The following ANTXR1 variants were observed in gnomAD, a reference collection of about 807,000 sequenced individuals.
ANTXR1 encodes the protein anthrax toxin receptor 1.
A neutral mutation model predicts 78.1 loss-of-function variants in ANTXR1; 19 were observed. The ratio of observed to expected loss-of-function variants is 0.24; its 90% CI spans 0.17 to 0.36. ANTXR1 has a LOEUF of 0.36. Among genes scored for constraint, ANTXR1 ranks in the 10% least tolerant of loss-of-function variants. ANTXR1 has a pLI of 1.00. For missense variants in ANTXR1, 518 were observed against 718.6 expected (o/e 0.72, Z 3.19); for synonymous variants, 273 against 260.5 (o/e 1.05, Z -0.46).
chr2:69,171,785 T>C (rs1190701481), intron 14 of ANTXR1, among the ~76,000 whole-genome samples: 3 of 152,164 alleles, frequency 2.0e-5, no homozygotes, highest in African/African-American at 7.2e-5. Context: ...AGCAACACAA[T>C]TTTGGAGCCA....
chr2:69,080,183 T>C (rs184115113), intron 8 of ANTXR1, among the ~76,000 whole-genome samples: 104 of 152,350 alleles, frequency 6.8e-4, no homozygotes, highest in African/African-American at 2.4e-3. Flanking sequence ...ATTCGTTTGC[T>C]TGGACAGAGA....
intron 1 of ANTXR1, among the ~76,000 whole-genome samples, chr2:69,025,026 A>G (rs1200619124): frequency 2.0e-5 from 3 of 152,152 alleles, no homozygotes; most frequent in Non-Finnish European, 2.9e-5. Context: ...CCAAAACTTC[A>G]TATCTTACCA....
chr2:69,198,121 T>C (rs1414858628), intron 17 of ANTXR1, among the ~76,000 whole-genome samples: 1 of 152,194 alleles, frequency 6.6e-6, no homozygotes, highest in Non-Finnish European at 1.5e-5. Context: ...AATGTTTCCT[T>C]AGAATAAAAG....
chr2:69,145,845 T>C (rs1673210766), intron 12 of ANTXR1: 6 of 987,016 alleles, frequency 6.1e-6, no homozygotes, highest in African/African-American at 1.7e-5. Flanking sequence ...CCTGGCAAGA[T>C]ATTTCACTCC....
chr2:69,021,296 A>G (rs560730800), intron 1 of ANTXR1, among the ~76,000 whole-genome samples: 7 of 152,258 alleles, frequency 4.6e-5, no homozygotes, highest in Non-Finnish European at 8.8e-5. Context: ...CCTCTGACTC[A>G]TAATCTATGC....
Position 69,070,746 on chromosome 2 carries a change from T to C in ANTXR1, c.378+18T>C. The C allele has an allele frequency of 6.2e-7, 1 of 1,609,388 alleles. No individual in the cohort carries two copies. The highest frequency in any genetic ancestry group is 8.5e-7 in the Non-Finnish European group (1 of 1,175,796). Reference sequence around the variant, plus strand: ...TTGAAAGGGTAATTTTAAAACAGTTTGAAATCCAAATATAAAGCATGATAT... The same window carrying C: ...TTGAAAGGGTAATTTTAAAACAGTTCGAAATCCAAATATAAAGCATGATAT... On this transcript the variant is annotated intron_variant, in intron 4 of 17. Coordinates refer to ENST00000303714, the MANE Select transcript of ANTXR1 (RefSeq NM_032208.3).
intron 14 of ANTXR1, among the ~76,000 whole-genome samples, chr2:69,179,251 A>G (rs1674213598): frequency 6.6e-6 from 1 of 152,194 alleles, no homozygotes; most frequent in Non-Finnish European, 1.5e-5. Flanking sequence ...GCAGTTATAA[A>G]TTATCAAAAT....
chr2:69,120,592 C>A (rs554734092), intron 10 of ANTXR1, among the ~76,000 whole-genome samples: 1 of 151,944 alleles, frequency 6.6e-6, no homozygotes, highest in African/African-American at 2.4e-5. Flanking sequence ...CACTTGAACC[C>A]GGGAGGCAGA....
intron 13 of ANTXR1, among the ~76,000 whole-genome samples, chr2:69,168,694 A>G (rs149532624): frequency 6.6e-6 from 1 of 152,196 alleles, no homozygotes; most frequent in Non-Finnish European, 1.5e-5. Context: ...AAAGTAATTT[A>G]CTGCTTCTGG....
rs142768308 is a variant in ANTXR1, at chr2:69,171,399, C to T, written c.1089+1110C>T. 8.3e-3 allele frequency among the ~76,000 whole-genome samples: 1,258 copies of T among 152,350 alleles called. 9 individuals are homozygous for T. Among genetic ancestry groups the T allele is most frequent in the Non-Finnish European group, 0.014 (935 of 68,030 alleles). ...CTTCTTTACATACATTAAAACCTTT[C>T]CTTAATCCTTCAAGAGAAAGTACCG... On this transcript the variant is annotated intron_variant, in intron 14 of 17. Coordinates refer to ENST00000303714, the MANE Select transcript of ANTXR1 (RefSeq NM_032208.3).
In ANTXR1 at chr2:69,245,605, G is replaced by C; in HGVS notation, c.*120G>C. 7.0e-7 allele frequency: 1 copy of C among 1,424,244 alleles called. No individual in the cohort carries two copies. The highest frequency in any genetic ancestry group is 9.5e-7 in the Non-Finnish European group (1 of 1,053,918). 88.2% of individuals were successfully genotyped at this position (1,424,244 alleles called of 1,614,324 possible). A position where few individuals can be genotyped will look rare whatever the true frequency, so the allele number is the denominator to read the frequency against. ...CTGACCTTCACACATTCTAAAAATT[G>C]GTTGGCAATGCCAGTATACCAACAA... is the stretch of plus-strand genomic sequence containing the variant. On this transcript the variant is annotated 3_prime_UTR_variant, in exon 18 of 18. Transcript: ENST00000303714.
Position 69,149,457 on chromosome 2 carries a change from A to T in ANTXR1, c.952-2712A>T, listed in dbSNP as rs1252686117. Among the ~76,000 whole-genome samples the T allele has an allele frequency of 2.6e-5, 4 of 152,346 alleles. No individual in the cohort carries two copies. The East Asian group carries it at 5.8e-4, about 22-fold the overall frequency. ...ACCTTCCTCTAGAAGGAAGTAAAAA[A>T]ATTCCCCCAAAATATATCAGCCCTT... On this transcript the variant is annotated intron_variant, in intron 12 of 17. Coordinates refer to ENST00000303714, the MANE Select transcript of ANTXR1 (RefSeq NM_032208.3).
At chr2:69,090,347 G>T (rs1443693516) in intron 8 of ANTXR1, among the ~76,000 whole-genome samples, 1 of 151,562 alleles carries the variant, frequency 6.6e-6, no homozygotes, top group African/African-American at 2.4e-5. Context: ...TCCCTGCCTG[G>T]ACCCTAATCC....
At chr2:69,227,816 A>G (rs1442249155) in intron 17 of ANTXR1, among the ~76,000 whole-genome samples, 1 of 152,196 alleles carries the variant, frequency 6.6e-6, no homozygotes, top group Non-Finnish European at 1.5e-5. Context: ...AGCTGGCCAG[A>G]GCATAGATTA....
chr2:69,237,377 C>T (rs1675790859), intron 17 of ANTXR1, among the ~76,000 whole-genome samples: 1 of 152,172 alleles, frequency 6.6e-6, no homozygotes, highest in Non-Finnish European at 1.5e-5. Flanking sequence ...CGAGAAGGAT[C>T]AGAGCATCAC....
At chr2:69,110,664 T>A (rs1465923560) in intron 10 of ANTXR1, among the ~76,000 whole-genome samples, 1 of 152,002 alleles carries the variant, frequency 6.6e-6, no homozygotes, top group African/African-American at 2.4e-5. Flanking sequence ...ATGGAGACCA[T>A]CCTGGCTAAC....
In ANTXR1 at chr2:69,184,303, G is replaced by A. The variant is rs139613851; in HGVS notation, c.1353+1643G>A. ...TGGTTTGCCATGTTTGAAGCAGTGA[G>A]ATTCTTTTTTTAGGATAAGCCTGCC... On this transcript the variant is annotated intron_variant, in intron 16 of 17. Coordinates refer to ENST00000303714, the MANE Select transcript of ANTXR1 (RefSeq NM_032208.3). Among the ~76,000 whole-genome samples, 124 of 152,324 alleles carry A rather than the reference G, an allele frequency of 8.1e-4. No individual in the cohort carries two copies. The East Asian group carries it at 0.023, about 28-fold the overall frequency.
intron 17 of ANTXR1, among the ~76,000 whole-genome samples, chr2:69,240,843 C>T (rs1675878018): frequency 6.6e-6 from 1 of 151,862 alleles, no homozygotes; most frequent in Admixed American, 6.6e-5. Context: ...AATACTGATA[C>T]ATAACTGACA....
rs1271371581 is a variant in ANTXR1 at position 69,152,261 on chromosome 2, T to C, written c.1044T>C (p.Thr348=). ...GGTGGTTCTGGCCCCTCTGCTGCAC[T>C]GTGGTAAGTGCCCCAAACCTCAGGC... ...LLWWFWPLCC[T]VIIKEVPPPP... Residue 348 remains threonine (T), a synonymous_variant, in exon 13 of 18, where the codon ACT becomes ACC. Transcript: ENST00000303714. 1.2e-6 allele frequency: 2 copies of C among 1,614,186 alleles called. No individual in the cohort carries two copies. Among genetic ancestry groups the C allele is most frequent in the Admixed American group, 1.7e-5 (1 of 60,030 alleles).
Sources: gnomAD v4.1 joint callset for allele counts (sites outside exome capture counted in the v4.1 genomes callset) on GRCh38, gnomAD v4.1.1 for gene constraint, MANE v1.5 for transcripts, NCBI Gene and HGNC (gene_info 2026-07-23, HGNC 2026-07-21) for gene names.